The following COL9A3 variants were observed in gnomAD, a reference collection of about 807,000 sequenced individuals.
COL9A3 encodes collagen type IX alpha 3 chain.
A neutral mutation model predicts 110.2 loss-of-function variants in COL9A3; 82 were observed. The observed-to-expected ratio is 0.74, with a 90% CI of 0.62 to 0.89. COL9A3 has a LOEUF of 0.89. Ranked by LOEUF, COL9A3 falls within the 40% of genes least tolerant of loss-of-function variation. The pLI, the probability that COL9A3 is intolerant of heterozygous loss-of-function variation, is 0.00. For missense variants in COL9A3, 1,066 were observed against 981.3 expected, an observed-to-expected ratio of 1.09 and a Z score of -1.15; for synonymous variants, 494 against 403.8, an observed-to-expected ratio of 1.22 and a Z score of -2.68.
chr20:62,837,059 G>A (rs777881407), intron 29 of COL9A3, 24 bp from the exon 30 acceptor site: 81 of 1,611,100 alleles, frequency 5.0e-5, no homozygotes, highest in Admixed American at 8.3e-5. Flanking sequence ...TCGAGTAAAC[G>A]CCTGCACCCT....
chr20:62,821,167 C>A lies in COL9A3; in HGVS notation c.310-14C>A. Reference sequence around the variant, plus strand: ...AGGCCCAGCCCAACCTAGACGCCTGCTTTCCTCCCACAGGGAAGTCTGGGA... The same window carrying A: ...AGGCCCAGCCCAACCTAGACGCCTGATTTCCTCCCACAGGGAAGTCTGGGA... On this transcript the variant is annotated splice_polypyrimidine_tract_variant and intron_variant, in intron 5 of 31. Coordinates refer to ENST00000649368, the MANE Select transcript of COL9A3 (RefSeq NM_001853.4). 1 of 1,612,816 alleles carries A rather than the reference C, an allele frequency of 6.2e-7. No individual in the cohort carries two copies. Among genetic ancestry groups the A allele is most frequent in the Non-Finnish European group, 8.5e-7 (1 of 1,179,672 alleles).
Position 62,840,800 on chromosome 20 carries a change from G to T in COL9A3, c.*68G>T. 3 of 1,532,744 alleles carry T rather than the reference G, an allele frequency of 2.0e-6. No individual in the cohort carries two copies. The highest frequency in any genetic ancestry group is 2.7e-6 in the Non-Finnish European group (3 of 1,130,642). The allele number at this position is 1,532,744 out of a possible 1,614,324, so 94.9% of individuals were successfully genotyped here. On this transcript the variant is annotated 3_prime_UTR_variant, in exon 32 of 32. Coordinates refer to ENST00000649368, the MANE Select transcript of COL9A3 (RefSeq NM_001853.4). Reference sequence around the variant, plus strand: ...AGTGGACGGTCATGAAGGAGCGGGGGTGTGGCAGGCGGGTGACGTCCAGGA... The same window carrying T: ...AGTGGACGGTCATGAAGGAGCGGGGTTGTGGCAGGCGGGTGACGTCCAGGA...
Position 62,817,157 on chromosome 20 carries a change from C to T in COL9A3, c.78+15C>T. On this transcript the variant is annotated intron_variant, in intron 1 of 31. Transcript: ENST00000649368. ...CCGGGGCGCAGGTGAGCGCGAGCTC[C>T]GGGCTCTGAGGCTGGACGTGGAGCC... The T allele has an allele frequency of 7.2e-7, 1 of 1,384,744 alleles. No homozygotes were observed. The highest frequency in any genetic ancestry group is 9.4e-7 in the Non-Finnish European group (1 of 1,063,064). The allele number at this position is 1,384,744 out of a possible 1,614,324, so 85.8% of individuals were successfully genotyped here. A position where few individuals can be genotyped will look rare whatever the true frequency, so the allele number is the denominator to read the frequency against.
intron 20 of COL9A3, 63 bp from the exon 21 acceptor site, chr20:62,829,565 G>C (rs995377889): frequency 1.5e-5 from 24 of 1,610,986 alleles, no homozygotes; most frequent in Non-Finnish European, 2.0e-5. Context: ...AGGGGCTGGG[G>C]GGCCAGCGAC....
chr20:62,830,957 G>GT (rs1206548155), intron 24 of COL9A3, among the ~76,000 whole-genome samples: 2 of 151,490 alleles, frequency 1.3e-5, no homozygotes, highest in Non-Finnish European at 2.9e-5. Flanking sequence ...TTCCTTGTGG[G>GT]TGGGAGGCTG....
chr20:62,829,615 C>T lies in COL9A3; in HGVS notation c.1054-13C>T. The T allele has an allele frequency of 6.2e-7, 1 of 1,609,740 alleles. No homozygotes were observed. Among genetic ancestry groups the T allele is most frequent in the South Asian group, 1.1e-5 (1 of 90,558 alleles). ...GGTGTAGGCAGGCACTCACAGCTCT[C>T]CTTCCTCTACAGGGCAGAGCTGGGG... is the stretch of plus-strand genomic sequence containing the variant. On this transcript the variant is annotated splice_polypyrimidine_tract_variant and intron_variant, in intron 20 of 31. Coordinates refer to ENST00000649368, the MANE Select transcript of COL9A3 (RefSeq NM_001853.4).
At chr20:62,838,182 G>A (rs1229995736) in intron 30 of COL9A3, among the ~76,000 whole-genome samples, 1 of 152,360 alleles carries the variant, frequency 6.6e-6, no homozygotes, top group African/African-American at 2.4e-5. Context: ...GCCGTGCACG[G>A]CTCAGCAGCA....
chr20:62,832,781 G>T, intron 25 of COL9A3: 1 of 447,466 alleles, frequency 2.2e-6, no homozygotes, highest in Admixed American at 3.6e-5. Flanking sequence ...GGTTCTGCTT[G>T]GCAGAAAAGC....
chr20:62,840,359 C>T (rs556891464), intron 31 of COL9A3, among the ~76,000 whole-genome samples, 183 bp from the exon 32 acceptor site: 5 of 151,460 alleles, frequency 3.3e-5, no homozygotes, highest in Admixed American at 3.3e-4. Context: ...CCCGGACACT[C>T]CCGACCGCCA....
Position 62,840,842 on chromosome 20 carries a change from C to A in COL9A3, c.*110C>A. ...CGTCCAGGAGAGGGAGCGCCCCTGG[C>A]TGCCCCTCGGCCGCCGACTGGACGC... On this transcript the variant is annotated 3_prime_UTR_variant, in exon 32 of 32. Transcript: ENST00000649368. 2 of 1,344,306 alleles carry A rather than the reference C, an allele frequency of 1.5e-6. No individual in the cohort carries two copies. Among genetic ancestry groups the A allele is most frequent in the Non-Finnish European group, 2.1e-6 (2 of 963,516 alleles). The allele number at this position is 1,344,306 out of a possible 1,614,324, so 83.3% of individuals were successfully genotyped here.
At chr20:62,825,340 G>A (rs2063544075) in intron 12 of COL9A3, 2 of 328,764 alleles carry the variant, frequency 6.1e-6, no homozygotes, top group Non-Finnish European at 1.1e-5. Flanking sequence ...CGCTGTGGAA[G>A]CTCCCTGGTT....
intron 24 of COL9A3, 52 bp downstream of exon 24, chr20:62,830,640 C>G: frequency 2.6e-6 from 3 of 1,138,928 alleles, no homozygotes; most frequent in South Asian, 1.4e-5. Context: ...TACCCATGTA[C>G]CACAGTCCCC....
Position 62,822,438 on chromosome 20 carries a change from C to T in COL9A3, c.478-153C>T, listed in dbSNP as rs1245292539. On this transcript the variant is annotated intron_variant, in intron 9 of 31. Coordinates refer to ENST00000649368, the MANE Select transcript of COL9A3 (RefSeq NM_001853.4). ...GCCCTGTGGGTGGGCCAGCAGCTCCCAGCACTGGCCACTTGGGGGACAGGA... is the reference window on the plus strand; with the variant it reads ...GCCCTGTGGGTGGGCCAGCAGCTCCTAGCACTGGCCACTTGGGGGACAGGA... Among the ~76,000 whole-genome samples, 6 of 149,398 alleles carry T rather than the reference C, an allele frequency of 4.0e-5. No individual in the cohort carries two copies. The East Asian group carries it at 1.2e-3, about 30-fold the overall frequency.
chr20:62,836,728 C>A (rs553124922), intron 29 of COL9A3, 196 bp downstream of exon 29: 4 of 650,912 alleles, frequency 6.1e-6, no homozygotes, highest in Non-Finnish European at 7.8e-6. Flanking sequence ...GGATGGCCCA[C>A]GCTCCCGCCC....
intron 31 of COL9A3, among the ~76,000 whole-genome samples, chr20:62,839,394 T>C (rs772188087): frequency 6.6e-6 from 1 of 152,238 alleles, no homozygotes; most frequent in Non-Finnish European, 1.5e-5. Context: ...CCATTTCTAA[T>C]GTCAAAAATA....
intron 24 of COL9A3, 167 bp from the exon 25 acceptor site, chr20:62,831,987 C>A: frequency 2.7e-6 from 2 of 738,988 alleles, no homozygotes; most frequent in South Asian, 3.0e-5. Context: ...AGGCTGTGAA[C>A]GTGAGCTTGG....
intron 31 of COL9A3, among the ~76,000 whole-genome samples, chr20:62,839,991 G>A (rs2063663129): frequency 6.6e-6 from 1 of 152,124 alleles, no homozygotes; most frequent in Non-Finnish European, 1.5e-5. Flanking sequence ...TCCGCCTGTG[G>A]CTCTGAACAG....
intron 6 of COL9A3, 142 bp from the exon 7 acceptor site, chr20:62,821,365 C>G: frequency 7.4e-7 from 1 of 1,352,264 alleles, no homozygotes; most frequent in Non-Finnish European, 1.0e-6. Flanking sequence ...GGATGGGGTC[C>G]TGGTGCCCTC....
At chr20:62,821,561 C>T (rs575152040) in intron 7 of COL9A3, 31 bp downstream of exon 7, 4 of 1,612,716 alleles carry the variant, frequency 2.5e-6, no homozygotes, top group South Asian at 1.1e-5. Flanking sequence ...GGGCCCTGAG[C>T]AAGCACGCAA....
Sources: allele counts gnomAD v4.1 joint callset (sites outside exome capture counted in the v4.1 genomes callset), GRCh38; gene constraint gnomAD v4.1.1; transcripts MANE v1.5; gene names NCBI Gene and HGNC (gene_info 2026-07-23, HGNC 2026-07-21).